CDK17: variants seen among roughly 807,000 people sequenced by gnomAD.
CDK17 encodes cyclin-dependent kinase 17.
A neutral mutation model predicts 77.6 loss-of-function variants in CDK17; 24 were observed. That is an observed-to-expected ratio of 0.31 (90% CI 0.22 to 0.44). CDK17 has a LOEUF of 0.44. Ranked by LOEUF, CDK17 falls within the 20% of genes least tolerant of loss-of-function variation. CDK17 has a pLI of 1.00. For synonymous variants in CDK17, 203 were observed against 210.4 expected (o/e 0.96, Z 0.30); for missense variants, 429 against 622.5 (o/e 0.69, Z 3.31).
Position 96,280,175 on chromosome 12 carries a change from C to A in CDK17, c.*67G>T. On this transcript the variant is annotated 3_prime_UTR_variant, in exon 17 of 17. Transcript: ENST00000261211. ...CCAAGTCCACCAAAAGAAATAATTG[C>A]CTTCAGTTCTGAGTCCTTGATTGGT... is the stretch of plus-strand genomic sequence containing the variant. The A allele has an allele frequency of 6.8e-7, 1 of 1,472,124 alleles. No homozygotes were observed. The highest frequency in any genetic ancestry group is 1.3e-5 in the South Asian group (1 of 77,338). 91.2% of individuals were successfully genotyped at this position (1,472,124 alleles called of 1,614,324 possible). A position where few individuals can be genotyped will look rare whatever the true frequency, so the allele number is the denominator to read the frequency against.
intron 1 of CDK17, among the ~76,000 whole-genome samples, chr12:96,397,929 T>C (rs1486746814): frequency 6.6e-6 from 1 of 152,224 alleles, no homozygotes; most frequent in Non-Finnish European, 1.5e-5. Context: ...TCTTCCACAA[T>C]GTTTGTATGT....
chr12:96,369,986 C>T (rs1374566802), intron 1 of CDK17, among the ~76,000 whole-genome samples: 1 of 152,028 alleles, frequency 6.6e-6, no homozygotes, highest in African/African-American at 2.4e-5. Flanking sequence ...TTTAAAATCC[C>T]CATTTATTTG....
At chr12:96,320,539 G>T (rs781633525) in intron 3 of CDK17, among the ~76,000 whole-genome samples, 1 of 147,356 alleles carries the variant, frequency 6.8e-6, no homozygotes, top group African/African-American at 2.5e-5. Flanking sequence ...GAGGCATCAC[G>T]CTACCTGACT....
chr12:96,342,310 A>C (rs551601969), intron 1 of CDK17, among the ~76,000 whole-genome samples: 1 of 152,384 alleles, frequency 6.6e-6, no homozygotes, highest in Admixed American at 6.5e-5. Flanking sequence ...AGGACATGTA[A>C]GCTAATCATA....
chr12:96,306,750 A>T (rs1284992446), intron 5 of CDK17, among the ~76,000 whole-genome samples: 1 of 152,056 alleles, frequency 6.6e-6, no homozygotes, highest in Non-Finnish European at 1.5e-5. Context: ...TAATACATAT[A>T]AAAAAATGAG....
intron 1 of CDK17, among the ~76,000 whole-genome samples, chr12:96,342,829 G>A (rs1236098182): frequency 6.6e-6 from 1 of 151,914 alleles, no homozygotes; most frequent in African/African-American, 2.4e-5. Flanking sequence ...TGGGTGTGGT[G>A]GTGCATGCTG....
intron 14 of CDK17, 33 bp from the exon 15 acceptor site, chr12:96,282,632 T>C (rs1952192343): frequency 7.1e-7 from 1 of 1,399,614 alleles, no homozygotes. Flanking sequence ...TTCATTAGCT[T>C]TTTCTCTAAT....
intron 1 of CDK17, among the ~76,000 whole-genome samples, chr12:96,341,344 C>CACACACACGT (rs149595808): frequency 0.01 from 1,537 of 149,876 alleles, 28 homozygotes; most frequent in African/African-American, 0.033. Flanking sequence ...CACACACACA[C>CACACACACGT]GTCTCATATA....
chr12:96,354,181 AGTG>A (rs528664986), intron 1 of CDK17, among the ~76,000 whole-genome samples: 4 of 152,194 alleles, frequency 2.6e-5, no homozygotes, highest in Non-Finnish European at 5.9e-5. Context: ...GGCTCAAAAA[AGTG>A]AAGTGATCTG....
intron 15 of CDK17, among the ~76,000 whole-genome samples, chr12:96,281,407 C>A (rs1377685884): frequency 6.6e-6 from 1 of 152,250 alleles, no homozygotes; most frequent in Admixed American, 6.5e-5. Context: ...CTCACTCTCT[C>A]ACCCAGGCTA....
rs1314647279 is a variant in CDK17, at chr12:96,397,044, T to C, written c.-30+2942A>G. On this transcript the variant is annotated intron_variant, in intron 1 of 16. Transcript: ENST00000261211. ...ACCCCAGTTGCCATTACAGCTTCCA[T>C]TGTTCAAAATAAAATAGTTGCATTG... Among the ~76,000 whole-genome samples, 9 of 152,254 alleles carry C rather than the reference T, an allele frequency of 5.9e-5. No homozygotes were observed. In the East Asian group the frequency reaches 9.6e-4, roughly 16 times the overall value.
chr12:96,387,884 A>C (rs1177101743), intron 1 of CDK17, among the ~76,000 whole-genome samples: 1 of 152,118 alleles, frequency 6.6e-6, no homozygotes, highest in East Asian at 1.9e-4. Flanking sequence ...TTGAGGATGC[A>C]ACGAGCTGGG....
chr12:96,365,957 T>C (rs1359916139), intron 1 of CDK17, among the ~76,000 whole-genome samples: 1 of 152,246 alleles, frequency 6.6e-6, no homozygotes, highest in Non-Finnish European at 1.5e-5. Context: ...AGGAGACCTA[T>C]AAGCATTCCT....
intron 1 of CDK17, among the ~76,000 whole-genome samples, chr12:96,367,095 A>T (rs1953597857): frequency 6.6e-6 from 1 of 152,080 alleles, no homozygotes; most frequent in African/African-American, 2.4e-5. Context: ...CTGTAATCCC[A>T]GCACTTTGGG....
intron 1 of CDK17, among the ~76,000 whole-genome samples, chr12:96,375,836 C>CT: frequency 6.6e-6 from 1 of 152,168 alleles, no homozygotes; most frequent in South Asian, 2.1e-4. Context: ...ATCCTGACCT[C>CT]TTTATTAAGC....
intron 1 of CDK17, among the ~76,000 whole-genome samples, chr12:96,337,283 T>G (rs1461596590): frequency 6.6e-6 from 1 of 151,968 alleles, no homozygotes; most frequent in East Asian, 1.9e-4. Flanking sequence ...TTTGCTCATC[T>G]CTTATGCCTT....
At chr12:96,339,604 C>T (rs560293530) in intron 1 of CDK17, among the ~76,000 whole-genome samples, 103 of 151,636 alleles carry the variant, frequency 6.8e-4, no homozygotes, top group Admixed American at 5.2e-3. Context: ...TATTATCCCT[C>T]ACCAAAAAAA....
At chr12:96,360,244 C>T (rs540466977) in intron 1 of CDK17, among the ~76,000 whole-genome samples, 2 of 152,288 alleles carry the variant, frequency 1.3e-5, no homozygotes, top group Non-Finnish European at 2.9e-5. Flanking sequence ...TTGAAGGAAA[C>T]AGGGTTCACT....
chr12:96,399,091 A>C (rs1245427070), intron 1 of CDK17: 1 of 152,300 alleles, frequency 6.6e-6, no homozygotes, highest in Non-Finnish European at 1.5e-5. Flanking sequence ...AATACTGCTT[A>C]CCCGAAAAGG....
Sources: allele counts gnomAD v4.1 joint callset (sites outside exome capture counted in the v4.1 genomes callset), GRCh38; gene constraint gnomAD v4.1.1; transcripts MANE v1.5; gene names NCBI Gene and HGNC (gene_info 2026-07-23, HGNC 2026-07-21).